The following GOLM1 variants were observed in gnomAD, a reference collection of about 807,000 sequenced individuals.
GOLM1 encodes the protein golgi membrane protein 1, also known as epididymis luminal protein 46.
In GOLM1, 31 loss-of-function variants were observed where a neutral mutation model predicts 50.5. The observed-to-expected ratio is 0.61, with a 90% CI of 0.46 to 0.83. GOLM1 has a LOEUF of 0.83. Among genes scored for constraint, GOLM1 ranks in the 40% least tolerant of loss-of-function variants. The pLI is 0.00. For synonymous variants in GOLM1, 178 were observed against 192.8 expected (o/e 0.92, Z 0.64); for missense variants, 491 against 501.3 (o/e 0.98, Z 0.20).
At position 86,040,933 on chromosome 9, in the gene GOLM1, A is replaced by T. The variant is rs540362129; in HGVS notation, c.468-65T>A. On this transcript the variant is annotated intron_variant, in intron 5 of 9. Transcript: ENST00000388712. ...GACTGTGTCTCTGCTGGACGGTGAC[A>T]TCCACTTCCATAAGAGACACAGACC... 1.2e-4 allele frequency: 182 copies of T among 1,502,786 alleles called. No homozygotes were observed. The African/African-American group carries it at 2.4e-3, about 20-fold the overall frequency. The allele number at this position is 1,502,786 out of a possible 1,614,324, so 93.1% of individuals were successfully genotyped here.
At chr9:86,056,275 CTACT>C (rs1833984374) in intron 3 of GOLM1, among the ~76,000 whole-genome samples, 1 of 151,960 alleles carries the variant, frequency 6.6e-6, no homozygotes, top group South Asian at 2.1e-4. Flanking sequence ...CTTCCCCTAT[CTACT>C]TACTTATGCA....
At chr9:86,078,424 G>A (rs1476953525) in intron 2 of GOLM1, among the ~76,000 whole-genome samples, 4 of 152,174 alleles carry the variant, frequency 2.6e-5, no homozygotes, top group Non-Finnish European at 5.9e-5. Flanking sequence ...CGCCCCCAGA[G>A]TAGGGGGATT....
chr9:86,081,425 A>G (rs1834781390), intron 1 of GOLM1, among the ~76,000 whole-genome samples: 1 of 151,804 alleles, frequency 6.6e-6, no homozygotes, highest in African/African-American at 2.4e-5. Context: ...GGAACTCCCA[A>G]CCTCAGGTGA....
rs1834536566 is a variant in GOLM1 at position 86,074,205 on chromosome 9, T to C, written c.309+3207A>G. On this transcript the variant is annotated intron_variant, in intron 3 of 9. Transcript: ENST00000388712. Reference sequence around the variant, plus strand: ...TTTTTTTAAGGAGACTTGTTCCAGTTCTAACCACAAATGCTAACCTTCTAA... The same window carrying C: ...TTTTTTTAAGGAGACTTGTTCCAGTCCTAACCACAAATGCTAACCTTCTAA... Among the ~76,000 whole-genome samples the C allele has an allele frequency of 3.4e-5, 5 of 147,958 alleles. No homozygotes were observed. The South Asian group carries it at 1.1e-3, about 32-fold the overall frequency.
chr9:86,031,856 C>T (rs369922977), intron 9 of GOLM1, among the ~76,000 whole-genome samples: 6 of 149,094 alleles, frequency 4.0e-5, no homozygotes, highest in African/African-American at 9.9e-5. Flanking sequence ...AAAAGAAAGA[C>T]GCCAGGTTGC....
intron 1 of GOLM1, among the ~76,000 whole-genome samples, chr9:86,096,373 C>T (rs1041358059): frequency 6.6e-6 from 1 of 152,186 alleles, no homozygotes; most frequent in Admixed American, 6.5e-5. Flanking sequence ...GGGTCTGCAA[C>T]ATCTAAAATA....
intron 1 of GOLM1, 78 bp from the exon 2 acceptor site, chr9:86,079,419 C>T: frequency 8.2e-7 from 1 of 1,214,404 alleles, no homozygotes; most frequent in Non-Finnish European, 1.1e-6. Context: ...TCCTTACAAC[C>T]AAGAGGAAAG....
chr9:86,063,361 A>T (rs1206323307), intron 3 of GOLM1, among the ~76,000 whole-genome samples: 6 of 152,206 alleles, frequency 3.9e-5, no homozygotes, highest in Non-Finnish European at 7.3e-5. Flanking sequence ...TCCATTTTCA[A>T]ACGGGAATCC....
At chr9:86,037,969 A>G (rs1325177884) in intron 6 of GOLM1, among the ~76,000 whole-genome samples, 1 of 152,084 alleles carries the variant, frequency 6.6e-6, no homozygotes, top group East Asian at 1.9e-4. Context: ...AGCTTGACCA[A>G]CATGGAGAAA....
At chr9:86,080,436 C>A (rs867477461) in intron 1 of GOLM1, among the ~76,000 whole-genome samples, 2 of 152,060 alleles carry the variant, frequency 1.3e-5, no homozygotes, top group Non-Finnish European at 2.9e-5. Flanking sequence ...GCACAGAGAG[C>A]CTTTTACACC....
intron 9 of GOLM1, among the ~76,000 whole-genome samples, chr9:86,028,864 T>TG (rs1284290236): frequency 1.4e-5 from 2 of 145,558 alleles, no homozygotes; most frequent in East Asian, 4.9e-4. Flanking sequence ...TTTTTTTTTT[T>TG]TTGAGACGGA....
At chr9:86,063,474 G>A (rs1379918610) in intron 3 of GOLM1, among the ~76,000 whole-genome samples, 1 of 152,190 alleles carries the variant, frequency 6.6e-6, no homozygotes, top group Non-Finnish European at 1.5e-5. Flanking sequence ...GGGGATGAAA[G>A]AGAAACTAAA....
At position 86,050,336 on chromosome 9, in the gene GOLM1, T is replaced by C. The variant is rs564512370; in HGVS notation, c.364+2201A>G. The stretch of plus-strand genomic sequence containing the variant: ...ATAGGTCTAAAATTCTCTTTTTTTG[T>C]TGTGTCTCTGCCAGGCTTTGGTATC... On this transcript the variant is annotated intron_variant, in intron 4 of 9. Coordinates refer to ENST00000388712, the MANE Select transcript of GOLM1 (RefSeq NM_016548.4). 3.7e-4 allele frequency among the ~76,000 whole-genome samples: 56 copies of C among 152,332 alleles called. 1 individual carries two copies. The highest frequency in any genetic ancestry group is 1.3e-3 in the African/African-American group (56 of 41,588).
chr9:86,076,262 A>G (rs981382085), intron 3 of GOLM1, among the ~76,000 whole-genome samples: 1 of 151,860 alleles, frequency 6.6e-6, no homozygotes, highest in Non-Finnish European at 1.5e-5. Context: ...CTACTAAAAA[A>G]TACAAAAAAT....
At chr9:86,088,420 G>GTATATATATATATATATATATATATATA (rs71505775) in intron 1 of GOLM1, among the ~76,000 whole-genome samples, 9 of 86,296 alleles carry the variant, frequency 1.0e-4, no homozygotes, top group South Asian at 4.2e-4. Flanking sequence ...TTTGAAGGGT[G>GTATATATATATATATATATATATATATA]TATATATATA....
chr9:86,061,586 C>T (rs1056374703), intron 3 of GOLM1, among the ~76,000 whole-genome samples: 2 of 152,166 alleles, frequency 1.3e-5, no homozygotes, highest in Non-Finnish European at 2.9e-5. Flanking sequence ...CTGTGGCATC[C>T]GGTTTGGGAT....
At chr9:86,042,677 A>G (rs1364133504) in intron 5 of GOLM1, among the ~76,000 whole-genome samples, 1 of 152,240 alleles carries the variant, frequency 6.6e-6, no homozygotes, top group Non-Finnish European at 1.5e-5. Flanking sequence ...TGTATACTGT[A>G]GAACTAAATG....
chr9:86,063,080 T>C (rs560342422), intron 3 of GOLM1, among the ~76,000 whole-genome samples: 2 of 152,312 alleles, frequency 1.3e-5, no homozygotes, highest in Non-Finnish European at 2.9e-5. Flanking sequence ...CTTAAGGAGA[T>C]GGCAGGGGAG....
chr9:86,072,984 G>A (rs910471651), intron 3 of GOLM1, among the ~76,000 whole-genome samples: 1 of 152,192 alleles, frequency 6.6e-6, no homozygotes, highest in African/African-American at 2.4e-5. Flanking sequence ...GAAAAGATTA[G>A]AATTTGATGG....
Sources: gnomAD v4.1 joint callset for allele counts (sites outside exome capture counted in the v4.1 genomes callset) on GRCh38, gnomAD v4.1.1 for gene constraint, MANE v1.5 for transcripts, NCBI Gene and HGNC (gene_info 2026-07-23, HGNC 2026-07-21) for gene names.